The following TAB2 variants were observed in gnomAD, a reference collection of about 807,000 sequenced individuals.
TAB2 encodes the protein TGF-beta-activated kinase 1 and MAP3K7-binding protein 2.
In TAB2, 3 loss-of-function variants were observed where a neutral mutation model predicts 65.0. The observed-to-expected ratio is 0.05, with a 90% CI of 0.02 to 0.12. The LOEUF is 0.12. Among genes scored for constraint, TAB2 ranks in the 10% least tolerant of loss-of-function variants. The probability of loss-of-function intolerance (pLI) is 1.00; values close to 1 mark genes in which losing one functional copy is unlikely to be tolerated. For missense variants in TAB2, 623 were observed against 840.3 expected (o/e 0.74, Z 3.20); for synonymous variants, 298 against 285.1 (o/e 1.05, Z -0.46).
intron 1 of TAB2, among the ~76,000 whole-genome samples, chr6:149,356,108 C>T (rs940990551): frequency 6.6e-6 from 1 of 152,170 alleles, no homozygotes; most frequent in Non-Finnish European, 1.5e-5. Context: ...CTAATTTAAT[C>T]GTATTTCCTA....
intron 1 of TAB2, among the ~76,000 whole-genome samples, chr6:149,286,945 G>A (rs1022322363): frequency 2.0e-5 from 3 of 151,904 alleles, no homozygotes; most frequent in South Asian, 2.1e-4. Context: ...GCAAAACCCC[G>A]TTTCTACTAA....
intron 1 of TAB2, chr6:149,244,998 C>T (rs1231751654): frequency 1.3e-5 from 2 of 152,160 alleles, no homozygotes; most frequent in Non-Finnish European, 2.9e-5. Flanking sequence ...GTGCTATCCC[C>T]ATTTCATGAT....
chr6:149,254,656 A>G (rs1271649068), intron 1 of TAB2, among the ~76,000 whole-genome samples: 1 of 152,204 alleles, frequency 6.6e-6, no homozygotes, highest in Non-Finnish European at 1.5e-5. Context: ...ATAATTATAC[A>G]TGTCACTTCT....
intron 1 of TAB2, among the ~76,000 whole-genome samples, chr6:149,347,810 A>G (rs773992867): frequency 3.9e-5 from 6 of 151,984 alleles, no homozygotes; most frequent in Non-Finnish European, 7.4e-5. Context: ...ACCAAGTATT[A>G]GCTAACTGGT....
At chr6:149,259,523 A>G (rs149395771) in intron 1 of TAB2, among the ~76,000 whole-genome samples, 47 of 152,302 alleles carry the variant, frequency 3.1e-4, no homozygotes, top group African/African-American at 1.1e-3. Flanking sequence ...TAATTTAAAT[A>G]CATTGAAACA....
intron 1 of TAB2, among the ~76,000 whole-genome samples, chr6:149,332,330 T>C (rs1333829010): frequency 6.6e-6 from 1 of 152,188 alleles, no homozygotes; most frequent in African/African-American, 2.4e-5. Context: ...GTGGTATTTG[T>C]TTAAAACTAT....
At chr6:149,225,011 T>C (rs997730601) in intron 1 of TAB2, among the ~76,000 whole-genome samples, 6 of 152,232 alleles carry the variant, frequency 3.9e-5, no homozygotes, top group Non-Finnish European at 5.9e-5. Flanking sequence ...GTGCTTAAAA[T>C]TTCTTATAAT....
intron 1 of TAB2, among the ~76,000 whole-genome samples, chr6:149,280,465 C>T (rs1399278717): frequency 1.3e-5 from 2 of 152,112 alleles, no homozygotes; most frequent in African/African-American, 4.8e-5. Context: ...CCTCTTCACC[C>T]TTACTATTCA....
chr6:149,307,481 A>G (rs972540930), intron 1 of TAB2, among the ~76,000 whole-genome samples: 7 of 152,176 alleles, frequency 4.6e-5, no homozygotes, highest in South Asian at 2.1e-4. Flanking sequence ...ACAGAGGTCA[A>G]TGCTGCTCAG....
intron 1 of TAB2, among the ~76,000 whole-genome samples, chr6:149,296,138 T>C (rs1778873152): frequency 1.3e-5 from 2 of 152,234 alleles, no homozygotes; most frequent in African/African-American, 4.8e-5. Context: ...TTGAGGCTTA[T>C]AGTGAAGGAA....
chr6:149,317,008 C>T (rs1161372170), upstream of TAB2, among the ~76,000 whole-genome samples: 3 of 150,864 alleles, frequency 2.0e-5, no homozygotes, highest in East Asian at 5.9e-4. This position sits in a 1 kb window ranked among gnomAD's most constrained non-coding sequence, Gnocchi z 4.7. Context: ...CGCGGGCCCA[C>T]CTGCTCCTCT....
chr6:149,314,153 A>G (rs531856961), upstream of TAB2, among the ~76,000 whole-genome samples: 66 of 152,306 alleles, frequency 4.3e-4, 1 homozygote, highest in Middle Eastern at 0.024. Context: ...TTTAAGTTTA[A>G]AGTTAAACAC....
chr6:149,367,261 A>C (rs1208600176), intron 1 of TAB2, among the ~76,000 whole-genome samples: 1 of 152,042 alleles, frequency 6.6e-6, no homozygotes, highest in African/African-American at 2.4e-5. Flanking sequence ...CATTATTTAG[A>C]TAGAGGGATT....
chr6:149,402,160 T>TA (rs1782448522), intron 6 of TAB2, among the ~76,000 whole-genome samples: 4 of 151,966 alleles, frequency 2.6e-5, no homozygotes, highest in Admixed American at 6.6e-5. Context: ...AGAGGTTTTT[T>TA]AAAAAATCAA....
chr6:149,305,385 G>C (rs1342958904), intron 1 of TAB2, among the ~76,000 whole-genome samples: 1 of 152,126 alleles, frequency 6.6e-6, no homozygotes, highest in Non-Finnish European at 1.5e-5. Flanking sequence ...TCGAAATCCT[G>C]CATTAGTTTG....
chr6:149,222,193 G>A (rs186617255), intron 1 of TAB2, among the ~76,000 whole-genome samples: 8 of 152,070 alleles, frequency 5.3e-5, no homozygotes, highest in East Asian at 3.9e-4. Flanking sequence ...TTACACCATC[G>A]GCCTCTCTGG....
chr6:149,282,059 G>A (rs928774375), intron 1 of TAB2, among the ~76,000 whole-genome samples: 6 of 152,174 alleles, frequency 3.9e-5, no homozygotes, highest in African/African-American at 9.6e-5. Context: ...CCAGCTACTC[G>A]GGAGGCTGAG....
At chr6:149,324,202 C>T (rs1562415624) in intron 1 of TAB2, among the ~76,000 whole-genome samples, 2 of 149,786 alleles carry the variant, frequency 1.3e-5, no homozygotes, top group Non-Finnish European at 1.5e-5. Context: ...AAAGGTCCTG[C>T]AGAGAGAGAG....
intron 1 of TAB2, among the ~76,000 whole-genome samples, chr6:149,265,335 A>G (rs1421305947): frequency 6.6e-6 from 1 of 152,072 alleles, no homozygotes; most frequent in East Asian, 1.9e-4. Flanking sequence ...GGTTAAGGAT[A>G]TTTCCATAAC....
Sources: gnomAD v4.1 joint callset for allele counts (sites outside exome capture counted in the v4.1 genomes callset) on GRCh38, gnomAD v4.1.1 for gene constraint, Gnocchi (gnomAD v3.1) non-coding constraint, MANE v1.5 for transcripts, NCBI Gene and HGNC (gene_info 2026-07-23, HGNC 2026-07-21) for gene names.